Variants in GRID2 observed in about 807,000 individuals in gnomAD.
The protein encoded by GRID2 is glutamate ionotropic receptor delta type subunit 2, also known as glutamate receptor ionotropic, delta-2.
Under a neutral mutation model 114.8 loss-of-function variants are expected in GRID2, and 33 were observed. The observed-to-expected ratio is 0.29, with a 90% CI of 0.22 to 0.38. The LOEUF (loss-of-function observed/expected upper bound fraction) is 0.38. Ranked by LOEUF, GRID2 falls within the 10% of genes least tolerant of loss-of-function variation. GRID2 has a pLI of 1.00. For synonymous variants in GRID2, 505 were observed against 449.9 expected, an observed-to-expected ratio of 1.12 and a Z score of -1.55; for missense variants, 1,184 against 1,257.7, an observed-to-expected ratio of 0.94 and a Z score of 0.89.
chr4:92,812,697 T>G (rs1740716660), intron 2 of GRID2, among the ~76,000 whole-genome samples: 1 of 152,132 alleles, frequency 6.6e-6, no homozygotes, highest in Non-Finnish European at 1.5e-5. Flanking sequence ...AAAACTGATT[T>G]ATGCTGTACA....
chr4:92,801,385 T>C (rs891314188), intron 2 of GRID2, among the ~76,000 whole-genome samples: 1 of 151,962 alleles, frequency 6.6e-6, no homozygotes, highest in African/African-American at 2.4e-5. Flanking sequence ...AATTTATTTC[T>C]ACAAAAACCT....
intron 2 of GRID2, among the ~76,000 whole-genome samples, chr4:93,013,570 A>G (rs1220966482): frequency 1.3e-5 from 2 of 152,148 alleles, no homozygotes; most frequent in Non-Finnish European, 2.9e-5. Flanking sequence ...TGTATTAAAT[A>G]CTATTCCTGT....
At chr4:92,383,634 A>G (rs765348532) in intron 1 of GRID2, among the ~76,000 whole-genome samples, 3 of 151,784 alleles carry the variant, frequency 2.0e-5, no homozygotes, top group Non-Finnish European at 4.4e-5. Context: ...GTATTCATCT[A>G]TGTATTTGCT....
chr4:93,454,697 T>C (rs138715612), intron 10 of GRID2, among the ~76,000 whole-genome samples: 1 of 152,184 alleles, frequency 6.6e-6, no homozygotes, highest in African/African-American at 2.4e-5. Flanking sequence ...TCTTTCTTTG[T>C]TTTTGTTCCC....
chr4:93,042,080 T>C (rs1294486644), intron 2 of GRID2, among the ~76,000 whole-genome samples: 1 of 151,962 alleles, frequency 6.6e-6, no homozygotes, highest in Non-Finnish European at 1.5e-5. Context: ...TTTTTTTGTA[T>C]TTTTAGTAGA....
At chr4:93,384,318 T>C (rs1275545866) in intron 8 of GRID2, among the ~76,000 whole-genome samples, 2 of 152,162 alleles carry the variant, frequency 1.3e-5, no homozygotes, top group African/African-American at 4.8e-5. Flanking sequence ...AAGAATGGTA[T>C]GTGTGCACAG....
Position 93,392,220 on chromosome 4 carries a change from C to T in GRID2, c.1246-3387C>T, listed in dbSNP as rs1439514362. Among the ~76,000 whole-genome samples the T allele has an allele frequency of 2.0e-5, 3 of 152,024 alleles. 1 individual carries two copies. The South Asian group carries it at 6.2e-4, about 31-fold the overall frequency. Reference sequence around the variant, plus strand: ...AGATTTTGTGTGTGTGTTCTCTTTACTAGTCTTGGACTCATTGTTAAAAAA... The same window carrying T: ...AGATTTTGTGTGTGTGTTCTCTTTATTAGTCTTGGACTCATTGTTAAAAAA... On this transcript the variant is annotated intron_variant, in intron 8 of 15. Coordinates refer to ENST00000282020, the MANE Select transcript of GRID2 (RefSeq NM_001510.4).
chr4:92,441,816 T>TG (rs774407363), intron 1 of GRID2, among the ~76,000 whole-genome samples: 307 of 149,402 alleles, frequency 2.1e-3, no homozygotes, highest in Admixed American at 6.3e-3. Flanking sequence ...TGGGTTAAGG[T>TG]GGGGGGATAC....
chr4:93,621,051 G>A (rs878865061), intron 13 of GRID2, among the ~76,000 whole-genome samples: 3 of 152,124 alleles, frequency 2.0e-5, no homozygotes, highest in Admixed American at 2.0e-4. Context: ...GATGATGGGG[G>A]CCCAAGTCTT....
chr4:93,183,282 CT>C (rs1740078443), intron 4 of GRID2, among the ~76,000 whole-genome samples: 1 of 151,860 alleles, frequency 6.6e-6, no homozygotes, highest in Non-Finnish European at 1.5e-5. Context: ...GTCTTTTTAC[CT>C]TTTATCCATG....
At chr4:92,824,339 T>C (rs953517143) in intron 2 of GRID2, among the ~76,000 whole-genome samples, 3 of 152,296 alleles carry the variant, frequency 2.0e-5, no homozygotes, top group African/African-American at 7.2e-5. Context: ...CTCTGCTGTG[T>C]AGTAGCTATG....
At chr4:93,050,999 T>G (rs900370705) in intron 2 of GRID2, among the ~76,000 whole-genome samples, 3 of 152,040 alleles carry the variant, frequency 2.0e-5, no homozygotes, top group African/African-American at 7.2e-5. Context: ...GTCATACCAC[T>G]GAGGGATTTT....
chr4:93,402,052 T>G (rs1013979235), intron 9 of GRID2, among the ~76,000 whole-genome samples: 2 of 152,020 alleles, frequency 1.3e-5, no homozygotes, highest in African/African-American at 4.8e-5. Flanking sequence ...AGTAAAGCAA[T>G]GTACTTAATT....
At chr4:92,762,930 GAC>G (rs574881075) in intron 2 of GRID2, among the ~76,000 whole-genome samples, 152 of 152,228 alleles carry the variant, frequency 1.0e-3, no homozygotes, top group African/African-American at 3.6e-3. Flanking sequence ...GTCTTCTTCA[GAC>G]ACAGTTTCTT....
chr4:93,559,459 A>G (rs187556120), intron 13 of GRID2, among the ~76,000 whole-genome samples: 2 of 152,268 alleles, frequency 1.3e-5, no homozygotes, highest in Admixed American at 1.3e-4. Flanking sequence ...ATTTATGTGG[A>G]CAACAAAAAT....
chr4:92,435,951 A>G (rs1376944783), intron 1 of GRID2, among the ~76,000 whole-genome samples: 3 of 152,094 alleles, frequency 2.0e-5, no homozygotes, highest in African/African-American at 4.8e-5. Flanking sequence ...TTGTTGTTGT[A>G]TCTGAGATTG....
intron 2 of GRID2, among the ~76,000 whole-genome samples, chr4:92,798,933 G>T (rs756000034): frequency 6.6e-6 from 1 of 151,910 alleles, no homozygotes. Flanking sequence ...GGTTCCTAAG[G>T]CTACTATAAC....
At chr4:92,693,718 C>T (rs758679570) in intron 2 of GRID2, among the ~76,000 whole-genome samples, 5 of 152,068 alleles carry the variant, frequency 3.3e-5, no homozygotes, top group African/African-American at 1.2e-4. Context: ...AACAGACTCA[C>T]AAGAAGAGAG....
chr4:92,838,991 C>T (rs1742675525), intron 2 of GRID2: 1 of 152,094 alleles, frequency 6.6e-6, no homozygotes, highest in Admixed American at 6.6e-5. Flanking sequence ...ATTACAGGGT[C>T]ACTCTTTCCT....
Sources: allele counts gnomAD v4.1 joint callset (sites outside exome capture counted in the v4.1 genomes callset), GRCh38; gene constraint gnomAD v4.1.1; transcripts MANE v1.5; gene names NCBI Gene and HGNC (gene_info 2026-07-23, HGNC 2026-07-21).